The following COL23A1 variants were observed in gnomAD, a reference collection of about 807,000 sequenced individuals.
COL23A1 encodes collagen type XXIII alpha 1 chain.
In COL23A1, 97 loss-of-function variants were observed where a neutral mutation model predicts 99.3. The observed-to-expected ratio is 0.98, with a 90% CI of 0.83 to 1.16. The LOEUF (loss-of-function observed/expected upper bound fraction) is 1.16. Among genes scored for constraint, COL23A1 ranks in the 50% most tolerant of loss-of-function variants. COL23A1 has a pLI of 0.00. For missense variants in COL23A1, 762 were observed against 757.4 expected, an observed-to-expected ratio of 1.01 and a Z score of -0.07; for synonymous variants, 320 against 308.2, an observed-to-expected ratio of 1.04 and a Z score of -0.40.
At chr5:178,350,711 TG>T (rs2127677550) in intron 2 of COL23A1, among the ~76,000 whole-genome samples, 1 of 152,264 alleles carries the variant, frequency 6.6e-6, no homozygotes, top group South Asian at 2.1e-4. Context: ...CCCGAGACCC[TG>T]GGCAGCCCTG....
At chr5:178,332,044 C>T (rs916612526) in intron 2 of COL23A1, among the ~76,000 whole-genome samples, 14 of 152,190 alleles carry the variant, frequency 9.2e-5, no homozygotes, top group African/African-American at 3.4e-4. Context: ...CTGGGCCTGG[C>T]ACTGTGTGCT....
intron 2 of COL23A1, among the ~76,000 whole-genome samples, chr5:178,394,410 A>C (rs951463911): frequency 2.6e-5 from 4 of 152,206 alleles, no homozygotes; most frequent in African/African-American, 9.6e-5. Flanking sequence ...CCAGGAATGC[A>C]GAGGCAGCCC....
chr5:178,521,205 G>A (rs1186096816), intron 2 of COL23A1, among the ~76,000 whole-genome samples: 2 of 152,144 alleles, frequency 1.3e-5, no homozygotes, highest in Non-Finnish European at 2.9e-5. Context: ...GTGGTACATC[G>A]TTGACTGAAA....
At chr5:178,246,906 T>C (rs1764728863) in intron 22 of COL23A1, among the ~76,000 whole-genome samples, 1 of 152,136 alleles carries the variant, frequency 6.6e-6, no homozygotes, top group South Asian at 2.1e-4. Context: ...GGCTGCAGGC[T>C]CGGGCCTGGG....
intron 2 of COL23A1, among the ~76,000 whole-genome samples, chr5:178,446,997 A>G (rs1237893454): frequency 6.6e-6 from 1 of 152,224 alleles, no homozygotes; most frequent in Non-Finnish European, 1.5e-5. Flanking sequence ...AAACATAAAA[A>G]GTAATGATGG....
chr5:178,417,363 G>A lies in COL23A1; in HGVS notation c.362-110444C>T, dbSNP rs545636107. Among the ~76,000 whole-genome samples the A allele has an allele frequency of 9.9e-5, 15 of 152,284 alleles. No homozygotes were observed. The South Asian group carries it at 1.9e-3, about 19-fold the overall frequency. On this transcript the variant is annotated intron_variant, in intron 2 of 28. Transcript: ENST00000390654. ...TGCTGATTACTGCCTTCAGACTGAC[G>A]CCAAGAAGTCCTGCCTTCCTCGCTA...
chr5:178,552,561 C>T (rs909085469), intron 2 of COL23A1, among the ~76,000 whole-genome samples: 1 of 151,986 alleles, frequency 6.6e-6, no homozygotes, highest in African/African-American at 2.4e-5. Context: ...AAAAGGGTAA[C>T]AATTTCTTGC....
chr5:178,241,878 T>C (rs1222692978), intron 27 of COL23A1, among the ~76,000 whole-genome samples, 164 bp downstream of exon 27: 2 of 152,198 alleles, frequency 1.3e-5, no homozygotes, highest in African/African-American at 2.4e-5. Flanking sequence ...GGAACCGCGA[T>C]GATGGCAGTA....
chr5:178,327,316 G>A (rs953264777), intron 2 of COL23A1, among the ~76,000 whole-genome samples: 36 of 152,174 alleles, frequency 2.4e-4, no homozygotes, highest in Non-Finnish European at 1.6e-4. Context: ...TTAGAGACAC[G>A]TGCAGGTGCC....
rs552302414 is a variant in COL23A1, at chr5:178,338,621, C to T, written c.362-31702G>A. On this transcript the variant is annotated intron_variant, in intron 2 of 28. Coordinates refer to ENST00000390654, the MANE Select transcript of COL23A1 (RefSeq NM_173465.4). ...CGGGAATGGGGTAGCTCCTGGGTCA[C>T]CCAGCACCGGGTAAGGTGTTGCTCC... 5.9e-5 allele frequency among the ~76,000 whole-genome samples: 9 copies of T among 151,858 alleles called. No individual in the cohort carries two copies. The South Asian group carries it at 1.0e-3, about 18-fold the overall frequency.
intron 2 of COL23A1, among the ~76,000 whole-genome samples, chr5:178,343,854 A>G (rs1026792661): frequency 7.2e-5 from 11 of 151,842 alleles, no homozygotes; most frequent in East Asian, 3.9e-4. Context: ...GTAGAGATGG[A>G]GTTTCACCAT....
At position 178,560,682 on chromosome 5, in the gene COL23A1, C is replaced by G. The variant is rs779150783; in HGVS notation, c.361G>C (p.Gly121Arg). ...EAPSECVCPP[G>R]PPGRRGKPGR... ...AGAAGGGAGCTCAACCTTCACTTAC[C>G]TGGGGGGCAGACACATTCGGATGGA... The change falls in exon 2 of 29, where the codon GGG becomes CGG. Residue 121 changes from glycine to arginine, a missense_variant and splice_region_variant. By Grantham distance (125) the Gly-to-Arg change is moderately radical (BLOSUM62 -2). Transcript: ENST00000390654. 1.2e-6 allele frequency: 2 copies of G among 1,612,294 alleles called. No individual in the cohort carries two copies. Among genetic ancestry groups the G allele is most frequent in the Non-Finnish European group, 1.7e-6 (2 of 1,179,538 alleles).
intron 2 of COL23A1, among the ~76,000 whole-genome samples, chr5:178,359,182 C>T (rs928060524): frequency 3.3e-4 from 51 of 152,300 alleles, no homozygotes; most frequent in African/African-American, 1.1e-3. Context: ...CTCTCAGCCT[C>T]GGTTTCCACC....
At chr5:178,504,806 G>A (rs756298639) in intron 2 of COL23A1, among the ~76,000 whole-genome samples, 1 of 152,210 alleles carries the variant, frequency 6.6e-6, no homozygotes, top group Non-Finnish European at 1.5e-5. Flanking sequence ...CTGCAGCCAA[G>A]TAGGAATGGC....
chr5:178,308,535 C>G lies in COL23A1; in HGVS notation c.362-1616G>C, dbSNP rs1758489199. The stretch of plus-strand genomic sequence containing the variant: ...GGCTAGGACTCTGGGACCCTCAGAA[C>G]AGACAACAGCTCCTCATACTGTGTG... On this transcript the variant is annotated intron_variant, in intron 2 of 28. Coordinates refer to ENST00000390654, the MANE Select transcript of COL23A1 (RefSeq NM_173465.4). The surrounding 1 kb of genome is among the most constrained non-coding windows in gnomAD (Gnocchi z 5.1). 6.6e-6 allele frequency among the ~76,000 whole-genome samples: 1 copy of G among 152,164 alleles called. No individual in the cohort carries two copies. The highest frequency in any genetic ancestry group is 6.5e-5 in the Admixed American group (1 of 15,280).
chr5:178,358,593 ATGTG>A (rs1296690633), intron 2 of COL23A1, among the ~76,000 whole-genome samples: 1 of 135,982 alleles, frequency 7.4e-6, no homozygotes, highest in Non-Finnish European at 1.5e-5. Context: ...ATGTGTGTGT[ATGTG>A]TATGTGTGTA....
chr5:178,566,674 G>A (rs1283705639), intron 1 of COL23A1, among the ~76,000 whole-genome samples: 1 of 152,146 alleles, frequency 6.6e-6, no homozygotes, highest in East Asian at 1.9e-4. Context: ...AAATTAGCCT[G>A]ATATGGTGGC....
At chr5:178,241,943 C>G (rs1764423233) in intron 27 of COL23A1, 99 bp downstream of exon 27, 1 of 880,376 alleles carries the variant, frequency 1.1e-6, no homozygotes. Context: ...AGTGGGGCCT[C>G]TGGGACTTGC....
intron 2 of COL23A1, among the ~76,000 whole-genome samples, chr5:178,466,301 C>G (rs1189004001): frequency 6.6e-6 from 1 of 152,186 alleles, no homozygotes; most frequent in Admixed American, 6.5e-5. Context: ...CGCTTGCTAG[C>G]CACTGGTAGT....
Sources: gnomAD v4.1 joint callset for allele counts (sites outside exome capture counted in the v4.1 genomes callset) on GRCh38, gnomAD v4.1.1 for gene constraint, Gnocchi (gnomAD v3.1) non-coding constraint, MANE v1.5 for transcripts, NCBI Gene and HGNC (gene_info 2026-07-23, HGNC 2026-07-21) for gene names.